ADCY1: variants seen among roughly 807,000 people sequenced by gnomAD.
ADCY1 encodes the protein adenylate cyclase type 1.
A neutral mutation model predicts 105.4 loss-of-function variants in ADCY1; 28 were observed. The observed-to-expected ratio is 0.27, with a 90% CI of 0.20 to 0.36. The LOEUF is 0.36. Ranked by LOEUF, ADCY1 falls within the 10% of genes least tolerant of loss-of-function variation. ADCY1 has a pLI of 1.00. For missense variants in ADCY1, 977 were observed against 1,434.2 expected (o/e 0.68, Z 5.15); for synonymous variants, 655 against 623.8 (o/e 1.05, Z -0.75).
intron 19 of ADCY1, among the ~76,000 whole-genome samples, chr7:45,711,910 A>ATGAATATATTTATATATTATAT (rs1785250937): frequency 1.0e-5 from 1 of 97,428 alleles, no homozygotes; most frequent in Non-Finnish European, 1.9e-5. Context: ...TATTAAATAT[A>ATGAATATATTTATATATTATAT]TAAATATATT....
At chr7:45,680,487 AC>A (rs1784535395) in intron 11 of ADCY1, 1 of 152,178 alleles carries the variant, frequency 6.6e-6, no homozygotes, top group Admixed American at 6.5e-5. Flanking sequence ...CCCTCAGCCG[AC>A]CCCAGGATGT....
At chr7:45,704,811 G>A (rs1785078415) in intron 17 of ADCY1, among the ~76,000 whole-genome samples, 195 bp downstream of exon 17, 1 of 152,028 alleles carries the variant, frequency 6.6e-6, no homozygotes, top group African/African-American at 2.4e-5. Context: ...AGCACAGAAG[G>A]CACCGGAGCT....
At chr7:45,661,975 T>C (rs990111296) in intron 7 of ADCY1, 84 bp from the exon 8 acceptor site, 150 of 1,512,836 alleles carry the variant, frequency 9.9e-5, no homozygotes, top group Non-Finnish European at 1.2e-4. Flanking sequence ...GGTGGCTGTG[T>C]TTGTCAGGAT....
At chr7:45,594,219 C>T (rs577282322) in intron 2 of ADCY1, among the ~76,000 whole-genome samples, 6 of 152,000 alleles carry the variant, frequency 3.9e-5, no homozygotes, top group South Asian at 2.1e-4. Context: ...TGTGTGTATG[C>T]GCATGTGTTG....
chr7:45,608,650 T>C (rs1793445672), intron 2 of ADCY1, among the ~76,000 whole-genome samples: 1 of 152,234 alleles, frequency 6.6e-6, no homozygotes, highest in Non-Finnish European at 1.5e-5. Flanking sequence ...TTTCTTTCCT[T>C]CCTGGGATCA....
chr7:45,589,831 A>C (rs1441131009), intron 1 of ADCY1, among the ~76,000 whole-genome samples: 3 of 150,828 alleles, frequency 2.0e-5, no homozygotes, highest in Admixed American at 6.6e-5. Context: ...CTCCTAGAGG[A>C]GTGGGTTGTT....
At chr7:45,663,734 G>A (rs1261875805) in intron 8 of ADCY1, among the ~76,000 whole-genome samples, 6 of 152,048 alleles carry the variant, frequency 3.9e-5, no homozygotes, top group South Asian at 2.1e-4. Flanking sequence ...CAGGAGAATC[G>A]CTTTAACCCG....
At chr7:45,653,509 T>C (rs2116082445) in intron 5 of ADCY1, among the ~76,000 whole-genome samples, 1 of 152,336 alleles carries the variant, frequency 6.6e-6, no homozygotes, top group South Asian at 2.1e-4. Flanking sequence ...CTTCCACGTG[T>C]TAAGAGTCTT....
At position 45,713,834 on chromosome 7, in the gene ADCY1, T is replaced by C; in HGVS notation, c.3199T>C (p.Ser1067Pro). ...RTDGNGSQIR[S>P]LGLDRKMCPF... ...TGATGGAAACGGCTCCCAAATCAGGTCCCTGGGCTTGGATCGGAAAATGTG... is the reference window on the plus strand; with the variant it reads ...TGATGGAAACGGCTCCCAAATCAGGCCCCTGGGCTTGGATCGGAAAATGTG... Residue 1067 changes from serine (S) to proline (P), a missense_variant, in exon 20 of 20, where the codon TCC becomes CCC. This residue lies in a region of ADCY1 where 78 missense variants were observed against 60.0 expected (regional missense o/e 1.30). Transcript: ENST00000297323. The C allele has an allele frequency of 1.3e-6, 1 of 780,884 alleles. No individual in the cohort carries two copies. Among genetic ancestry groups the C allele is most frequent in the Non-Finnish European group, 2.4e-6 (1 of 418,138 alleles). 48.4% of individuals were successfully genotyped at this position (780,884 alleles called of 1,614,324 possible). A position where few individuals can be genotyped will look rare whatever the true frequency, so the allele number is the denominator to read the frequency against.
intron 16 of ADCY1, 61 bp from the exon 17 acceptor site, chr7:45,704,457 G>T: frequency 6.7e-7 from 1 of 1,485,544 alleles, no homozygotes. Context: ...GGGGGCTGAC[G>T]GCTGCAGCGA....
intron 3 of ADCY1, among the ~76,000 whole-genome samples, chr7:45,610,996 T>TGGAGGTGATGGTGGAGGC (rs1793567432): frequency 8.6e-6 from 1 of 116,416 alleles, no homozygotes; most frequent in Non-Finnish European, 1.9e-5. Flanking sequence ...ATAGTGGAAG[T>TGGAGGTGATGGTGGAGGC]GTGGAGGTGG....
intron 4 of ADCY1, among the ~76,000 whole-genome samples, chr7:45,633,198 G>A (rs1029727746): frequency 2.6e-5 from 4 of 152,190 alleles, no homozygotes; most frequent in East Asian, 1.9e-4. Flanking sequence ...TATTACAGGC[G>A]TAAGTCACAG....
intron 14 of ADCY1, among the ~76,000 whole-genome samples, chr7:45,695,212 C>T (rs1318414686): frequency 6.6e-6 from 1 of 152,224 alleles, no homozygotes; most frequent in Non-Finnish European, 1.5e-5. Context: ...TGGAAAGCTG[C>T]TGTTTTATAT....
intron 4 of ADCY1, among the ~76,000 whole-genome samples, chr7:45,634,268 A>G (rs2093513501): frequency 6.6e-6 from 1 of 152,090 alleles, no homozygotes; most frequent in South Asian, 2.1e-4. Flanking sequence ...CACCAGTACA[A>G]TGTTGAATAG....
intron 3 of ADCY1, among the ~76,000 whole-genome samples, chr7:45,614,404 A>T (rs1473352990): frequency 6.6e-6 from 1 of 152,232 alleles, no homozygotes; most frequent in Non-Finnish European, 1.5e-5. Flanking sequence ...ACAAAGGAGA[A>T]AGAAAAAGGA....
chr7:45,641,817 T>G (rs1035760561), intron 4 of ADCY1, among the ~76,000 whole-genome samples: 6 of 142,204 alleles, frequency 4.2e-5, no homozygotes, highest in Non-Finnish European at 7.6e-5. Flanking sequence ...TCCCAGCTAC[T>G]CGGGAGGCTG....
At chr7:45,671,433 T>C (rs1285416324) in intron 8 of ADCY1, among the ~76,000 whole-genome samples, 2 of 152,234 alleles carry the variant, frequency 1.3e-5, no homozygotes, top group Admixed American at 6.5e-5. Flanking sequence ...TGTTAACTCA[T>C]CTAGGATAGA....
chr7:45,655,235 A>G (rs866118249), intron 5 of ADCY1, among the ~76,000 whole-genome samples: 2 of 152,322 alleles, frequency 1.3e-5, no homozygotes, highest in Middle Eastern at 3.4e-3. Flanking sequence ...ACTCACGCCA[A>G]GGGGCCAACA....
At position 45,713,746 on chromosome 7, in the gene ADCY1, C is replaced by T. The variant is rs890745306; in HGVS notation, c.3111C>T (p.Cys1037=). The T allele has an allele frequency of 3.8e-6, 3 of 780,706 alleles. No homozygotes were observed. Among genetic ancestry groups the T allele is most frequent in the Non-Finnish European group, 7.2e-6 (3 of 418,154 alleles). The allele number at this position is 780,706 out of a possible 1,614,324, so 48.4% of individuals were successfully genotyped here. Residue 1037 remains cysteine (C), a synonymous_variant, in exon 20 of 20, where the codon TGC becomes TGT. Coordinates refer to ENST00000297323, the MANE Select transcript of ADCY1 (RefSeq NM_021116.4). ...LLRRCPYHFV[C]RGKVSVKGKG... ...GAAGGTGCCCCTACCACTTTGTGTG[C>T]CGAGGCAAAGTCAGTGTCAAGGGCA...
Sources: gnomAD v4.1 joint callset for allele counts (sites outside exome capture counted in the v4.1 genomes callset) on GRCh38, gnomAD v4.1.1 for gene constraint, gnomAD v4.1.1 regional missense constraint, MANE v1.5 for transcripts, NCBI Gene and HGNC (gene_info 2026-07-23, HGNC 2026-07-21) for gene names.